FBXL2: variants seen among roughly 807,000 people sequenced by gnomAD.
FBXL2 encodes F-box and leucine rich repeat protein 2.
FBXL2 carries 38 observed loss-of-function variants against 69.2 expected under a neutral mutation model. That is an observed-to-expected ratio of 0.55 (90% confidence interval 0.42 to 0.72). FBXL2 has a LOEUF of 0.72. FBXL2 is among the 30% of genes least tolerant of loss of function. FBXL2 has a pLI of 0.00. For missense variants in FBXL2, 354 were observed against 520.3 expected, an observed-to-expected ratio of 0.68 and a Z score of 3.11; for synonymous variants, 192 against 201.3, an observed-to-expected ratio of 0.95 and a Z score of 0.39.
intron 2 of FBXL2, among the ~76,000 whole-genome samples, chr3:33,319,085 C>T (rs1031164243): frequency 1.3e-5 from 2 of 152,152 alleles, no homozygotes; most frequent in African/African-American, 2.4e-5. Context: ...TGTTTTAAGA[C>T]GTCACAGTCC....
At chr3:33,295,608 G>T (rs1278967013) in intron 1 of FBXL2, among the ~76,000 whole-genome samples, 1 of 152,166 alleles carries the variant, frequency 6.6e-6, no homozygotes, top group Non-Finnish European at 1.5e-5. Flanking sequence ...TGACTTACAA[G>T]TGGAGTTGCT....
At chr3:33,400,159 A>C (rs2044167856) in intron 12 of FBXL2, 1 of 1,378,328 alleles carries the variant, frequency 7.3e-7, no homozygotes, top group East Asian at 2.7e-5. Context: ...AAACATTCTC[A>C]TGCACAGATA....
chr3:33,377,772 C>T (rs1327877462), intron 11 of FBXL2, among the ~76,000 whole-genome samples: 2 of 152,192 alleles, frequency 1.3e-5, no homozygotes, highest in Admixed American at 6.5e-5. Context: ...TGGCTTAGTG[C>T]CCCATCCCCA....
intron 2 of FBXL2, among the ~76,000 whole-genome samples, chr3:33,314,590 A>G (rs558957909): frequency 6.5e-4 from 99 of 152,304 alleles, no homozygotes; most frequent in Non-Finnish European, 1.3e-3. Flanking sequence ...ATTGAACTCT[A>G]CTTTTCTTGG....
Position 33,280,679 on chromosome 3 carries a change from C to T in FBXL2, c.3+3164C>T, listed in dbSNP as rs117596510. The stretch of plus-strand genomic sequence containing the variant: ...GCTGAATTGTGTTCACACCACTGCC[C>T]TCCAGTCTGGGCAACAGAGCAAGGC... On this transcript the variant is annotated intron_variant, in intron 1 of 14. Transcript: ENST00000484457. Among the ~76,000 whole-genome samples the T allele has an allele frequency of 2.6e-4, 38 of 147,864 alleles. No individual in the cohort carries two copies. The East Asian group carries it at 7.3e-3, about 28-fold the overall frequency.
At chr3:33,326,172 C>A (rs1483210145) in intron 2 of FBXL2, among the ~76,000 whole-genome samples, 1 of 152,150 alleles carries the variant, frequency 6.6e-6, no homozygotes, top group Admixed American at 6.5e-5. Flanking sequence ...GTCTATACTT[C>A]TTAGTTGAAT....
intron 2 of FBXL2, among the ~76,000 whole-genome samples, chr3:33,346,196 A>G (rs762823017): frequency 4.6e-5 from 7 of 152,236 alleles, no homozygotes; most frequent in Admixed American, 1.3e-4. Flanking sequence ...ATTGCACTCC[A>G]GTCTGGGCAA....
At chr3:33,416,312 T>C in the FBXL2 span, among the ~76,000 whole-genome samples, 1 of 151,966 alleles carries the variant, frequency 6.6e-6, no homozygotes, top group Non-Finnish European at 1.5e-5. Context: ...AAGAACAGGT[T>C]AGCTGGAAAA....
intron 2 of FBXL2, among the ~76,000 whole-genome samples, chr3:33,320,625 C>T (rs370015102): frequency 1.6e-4 from 24 of 151,906 alleles, no homozygotes; most frequent in East Asian, 5.8e-4. Context: ...GGACTACAGG[C>T]GTGCACGACC....
chr3:33,317,060 C>T (rs746652822), intron 2 of FBXL2, among the ~76,000 whole-genome samples: 10 of 152,012 alleles, frequency 6.6e-5, no homozygotes. Context: ...TGCTATCACG[C>T]CTGGCTAATT....
intron 5 of FBXL2, 181 bp from the exon 6 acceptor site, chr3:33,372,909 CAG>C: frequency 9.5e-6 from 6 of 631,496 alleles, no homozygotes; most frequent in Non-Finnish European, 1.7e-5. Flanking sequence ...CTTTGAACTG[CAG>C]ACTGTCGAGC....
At chr3:33,311,199 CTT>C (rs2037162598) in intron 2 of FBXL2, among the ~76,000 whole-genome samples, 1 of 151,752 alleles carries the variant, frequency 6.6e-6, no homozygotes, top group Non-Finnish European at 1.5e-5. Context: ...ACAATCCTCT[CTT>C]TCTTTAATTT....
At chr3:33,282,658 A>T (rs1225922682) in intron 1 of FBXL2, among the ~76,000 whole-genome samples, 1 of 152,166 alleles carries the variant, frequency 6.6e-6, no homozygotes. Context: ...TTTTCACGAT[A>T]TTGATTCTTC....
intron 2 of FBXL2, among the ~76,000 whole-genome samples, chr3:33,309,556 C>T (rs1276673308): frequency 6.6e-6 from 1 of 151,716 alleles, no homozygotes; most frequent in African/African-American, 2.4e-5. Context: ...AAAAAAAATA[C>T]ATTCAGCTAC....
intron 5 of FBXL2, among the ~76,000 whole-genome samples, chr3:33,370,457 G>T (rs553129260): frequency 1.1e-4 from 17 of 151,644 alleles, no homozygotes; most frequent in Non-Finnish European, 1.6e-4. Flanking sequence ...ATTCTGTAGT[G>T]ACTATTTTTT....
the FBXL2 span, chr3:33,412,646 G>T: frequency 5.4e-6 from 5 of 925,724 alleles, no homozygotes; most frequent in South Asian, 1.4e-5. Flanking sequence ...AGTAATTCAT[G>T]ATGCCAACAC....
At chr3:33,283,410 G>C (rs942068971) in intron 1 of FBXL2, among the ~76,000 whole-genome samples, 3 of 152,040 alleles carry the variant, frequency 2.0e-5, no homozygotes, top group Admixed American at 6.6e-5. Flanking sequence ...ACTTGATCGT[G>C]TTGGATAAGC....
intron 1 of FBXL2, among the ~76,000 whole-genome samples, chr3:33,280,576 G>A (rs761780667): frequency 2.0e-4 from 31 of 152,018 alleles, no homozygotes; most frequent in Non-Finnish European, 4.1e-4. Context: ...AGGCATGGTG[G>A]TGCACGCCTG....
Position 33,317,376 on chromosome 3 carries a change from A to G in FBXL2, c.65+19651A>G, listed in dbSNP as rs1158325954. On this transcript the variant is annotated intron_variant, in intron 2 of 14. Coordinates refer to ENST00000484457, the MANE Select transcript of FBXL2 (RefSeq NM_012157.5). Reference sequence around the variant, plus strand: ...ATTCACTGCATCCAATTCATAGTTCAGGGTCTGTGGGTGATATGCATTCCT... The same window carrying G: ...ATTCACTGCATCCAATTCATAGTTCGGGGTCTGTGGGTGATATGCATTCCT... 8.9e-5 allele frequency: 39 copies of G among 439,550 alleles called. 1 individual carries two copies. Among genetic ancestry groups the G allele is most frequent in the South Asian group, 6.1e-4 (37 of 61,144 alleles). The allele number at this position is 439,550 out of a possible 1,614,324, so 27.2% of individuals were successfully genotyped here. A position where few individuals can be genotyped will look rare whatever the true frequency, so the allele number is the denominator to read the frequency against.
Sources: gnomAD v4.1 joint callset for allele counts (sites outside exome capture counted in the v4.1 genomes callset) on GRCh38, gnomAD v4.1.1 for gene constraint, MANE v1.5 for transcripts, NCBI Gene and HGNC (gene_info 2026-07-23, HGNC 2026-07-21) for gene names.